The following DIP2B variants were observed in gnomAD, a reference collection of about 807,000 sequenced individuals.
The protein encoded by DIP2B is disco-interacting protein 2 homolog B.
A neutral mutation model predicts 198.0 loss-of-function variants in DIP2B; 76 were observed. The ratio of observed to expected loss-of-function variants is 0.38; its 90% CI spans 0.32 to 0.46. DIP2B has a LOEUF of 0.46. DIP2B is among the 20% of genes least tolerant of loss of function. The probability of loss-of-function intolerance (pLI) is 0.99; values close to 1 mark genes in which losing one functional copy is unlikely to be tolerated. For missense variants in DIP2B, 1,559 were observed against 1,978.4 expected (o/e 0.79, Z 4.02); for synonymous variants, 701 against 739.1 (o/e 0.95, Z 0.84).
At chr12:50,619,092 A>G (rs933566126) in intron 1 of DIP2B, among the ~76,000 whole-genome samples, 2 of 152,062 alleles carry the variant, frequency 1.3e-5, no homozygotes, top group Admixed American at 6.6e-5. Context: ...GCAGGGTTGC[A>G]TGGCATATGC....
intron 1 of DIP2B, among the ~76,000 whole-genome samples, chr12:50,622,378 A>G (rs918352053): frequency 1.3e-5 from 2 of 152,238 alleles, no homozygotes; most frequent in African/African-American, 4.8e-5. Context: ...TTGTGATTAA[A>G]TTTGTATAGT....
intron 1 of DIP2B, among the ~76,000 whole-genome samples, chr12:50,507,775 A>T (rs1281048555): frequency 1.3e-5 from 2 of 152,112 alleles, no homozygotes; most frequent in Non-Finnish European, 2.9e-5. Context: ...ACCTCAAATG[A>T]TCCACCAACC....
chr12:50,608,007 G>A (rs1958998825), intron 1 of DIP2B, among the ~76,000 whole-genome samples: 2 of 152,230 alleles, frequency 1.3e-5, no homozygotes, highest in South Asian at 2.1e-4. Context: ...TGGCCAGGCT[G>A]GTGTCAAACT....
chr12:50,605,804 T>TGGCC (rs1958976091), intron 1 of DIP2B, among the ~76,000 whole-genome samples: 1 of 152,154 alleles, frequency 6.6e-6, no homozygotes, highest in Non-Finnish European at 1.5e-5. Context: ...ATTTATTTAT[T>TGGCC]TCCTGCTCTG....
intron 1 of DIP2B, among the ~76,000 whole-genome samples, chr12:50,553,899 C>T (rs1191553973): frequency 6.6e-6 from 1 of 152,142 alleles, no homozygotes; most frequent in Non-Finnish European, 1.5e-5. Flanking sequence ...TTTGATCCTT[C>T]CACTTTGACC....
At chr12:50,556,484 A>G (rs965734118) in intron 1 of DIP2B, among the ~76,000 whole-genome samples, 5 of 152,160 alleles carry the variant, frequency 3.3e-5, no homozygotes, top group African/African-American at 7.2e-5. Flanking sequence ...AAATATTACT[A>G]ATAGTAAAAC....
intron 11 of DIP2B, 90 bp from the exon 12 acceptor site, chr12:50,686,483 T>C (rs1939132683): frequency 2.8e-6 from 3 of 1,056,762 alleles, no homozygotes; most frequent in Non-Finnish European, 4.1e-6. Flanking sequence ...GATCTTAATT[T>C]GGTCTCTTGA....
intron 1 of DIP2B, among the ~76,000 whole-genome samples, chr12:50,538,000 AG>A (rs570644411): frequency 1.2e-3 from 185 of 152,322 alleles, no homozygotes; most frequent in African/African-American, 4.1e-3. Flanking sequence ...AAAGGAATAA[AG>A]AACAAGGATG....
At chr12:50,545,751 T>G (rs1565819811) in intron 1 of DIP2B, among the ~76,000 whole-genome samples, 1 of 150,992 alleles carries the variant, frequency 6.6e-6, no homozygotes. Flanking sequence ...TTCTCCTGCC[T>G]CTGACTCCCA....
Position 50,640,719 on chromosome 12 carries a change from T to C in DIP2B, c.173-5T>C, listed in dbSNP as rs187798428. On this transcript the variant is annotated splice_polypyrimidine_tract_variant and splice_region_variant and intron_variant, in intron 2 of 37. Coordinates refer to ENST00000301180, the MANE Select transcript of DIP2B (RefSeq NM_173602.3). ...GATAACCATCTTTTAAACTTCCTTT[T>C]TTAGAAACTGATTCAGCAGTACAGA... 1.2e-5 allele frequency: 19 copies of C among 1,611,544 alleles called. No homozygotes were observed. In the African/African-American group the frequency reaches 2.5e-4, roughly 22 times the overall value.
At chr12:50,699,316 T>G in intron 19 of DIP2B, 114 bp downstream of exon 19, 1 of 1,457,272 alleles carries the variant, frequency 6.9e-7, no homozygotes, top group Non-Finnish European at 9.3e-7. Flanking sequence ...GTGTGTACTC[T>G]GGAGCTAGAC....
chr12:50,730,382 C>CTT (rs35093819), intron 30 of DIP2B, among the ~76,000 whole-genome samples: 101 of 62,768 alleles, frequency 1.6e-3, no homozygotes, highest in African/African-American at 3.2e-3. Context: ...CTCTCTCTCT[C>CTT]TTTTTTTTTT....
At chr12:50,619,783 G>A (rs1015115374) in intron 1 of DIP2B, among the ~76,000 whole-genome samples, 5 of 152,196 alleles carry the variant, frequency 3.3e-5, no homozygotes, top group African/African-American at 9.7e-5. Flanking sequence ...TCTGCTGAGC[G>A]CATTGGTTCA....
At position 50,674,485 on chromosome 12, in the gene DIP2B, G is replaced by A. The variant is rs762754889; in HGVS notation, c.652G>A (p.Ala218Thr). ...TTTTCTCCTCTCAGAGAATTTCTCT[G>A]CTCCTCCTGATGTCACTACAACTAC... The part of the protein sequence containing the change: ...FANTRIENFS[A>T]PPDVTTTTSS... Residue 218 changes from alanine (A) to threonine (T), a missense_variant, in exon 6 of 38, where the codon GCT (alanine) becomes ACT (threonine). By Grantham distance (58) the Ala-to-Thr change is moderately conservative. Coordinates refer to ENST00000301180, the MANE Select transcript of DIP2B (RefSeq NM_173602.3). The A allele has an allele frequency of 4.3e-6, 7 of 1,614,124 alleles. No individual in the cohort carries two copies. The African/African-American group carries it at 6.7e-5, about 15-fold the overall frequency.
intron 1 of DIP2B, among the ~76,000 whole-genome samples, chr12:50,590,792 C>CAT (rs1314144160): frequency 6.6e-6 from 1 of 150,896 alleles, no homozygotes; most frequent in South Asian, 2.1e-4. Context: ...GTAGATTGAT[C>CAT]AAAATTTGAT....
intron 22 of DIP2B, among the ~76,000 whole-genome samples, chr12:50,710,028 T>A (rs1178853767): frequency 1.3e-5 from 2 of 152,180 alleles, no homozygotes; most frequent in East Asian, 3.8e-4. Context: ...AGAGGACCAC[T>A]TCCTCTCAAT....
At chr12:50,605,677 G>C (rs1200555005) in intron 1 of DIP2B, among the ~76,000 whole-genome samples, 2 of 152,114 alleles carry the variant, frequency 1.3e-5, no homozygotes, top group African/African-American at 4.8e-5. Context: ...TTGGATATTT[G>C]ATATAAATGG....
chr12:50,526,600 A>T (rs1235360811), intron 1 of DIP2B, among the ~76,000 whole-genome samples: 1 of 136,416 alleles, frequency 7.3e-6, no homozygotes, highest in African/African-American at 2.7e-5. Flanking sequence ...TACTTTGCAC[A>T]TGCATTGATT....
intron 29 of DIP2B, 51 bp from the exon 30 acceptor site, chr12:50,728,497 T>G: frequency 6.3e-7 from 1 of 1,579,948 alleles, no homozygotes; most frequent in Non-Finnish European, 8.6e-7. Context: ...GAGCTGTTAC[T>G]CTGCCTGTGG....
Sources: allele counts gnomAD v4.1 joint callset (sites outside exome capture counted in the v4.1 genomes callset), GRCh38; gene constraint gnomAD v4.1.1; transcripts MANE v1.5; gene names NCBI Gene and HGNC (gene_info 2026-07-23, HGNC 2026-07-21).